Variants in TIAM2 observed in about 807,000 individuals in gnomAD.
TIAM2 encodes the protein TIAM Rac1 associated GEF 2.
In TIAM2, 80 loss-of-function variants were observed where a neutral mutation model predicts 152.9. The observed-to-expected ratio is 0.52, with a 90% CI of 0.44 to 0.63. TIAM2 has a LOEUF of 0.63. Among genes scored for constraint, TIAM2 ranks in the 30% least tolerant of loss-of-function variants. TIAM2 has a pLI of 0.00. For missense variants in TIAM2, 1,965 were observed against 2,120.1 expected (o/e 0.93, Z 1.44); for synonymous variants, 804 against 838.0 (o/e 0.96, Z 0.70).
In TIAM2 at chr6:155,119,349, CT is replaced by C. The variant is rs139981494; in HGVS notation, c.-117-8131del. The stretch of plus-strand genomic sequence containing the variant: ...TGCACCTGGCCCTGACTCTTCTTTT[CT>C]TTTTTTTTTGAGTGAGAATCTCTTC... On this transcript the variant is annotated intron_variant, in intron 2 of 26. Coordinates refer to ENST00000682666, the MANE Select transcript of TIAM2 (RefSeq NM_012454.4). 1.0e-4 allele frequency among the ~76,000 whole-genome samples: 15 copies of C among 144,722 alleles called. No homozygotes were observed. In the South Asian group the frequency reaches 2.2e-3, roughly 21 times the overall value. The allele number at this position is 144,722 out of a possible 152,430, so 94.9% of individuals were successfully genotyped here.
At chr6:155,196,130 G>A (rs929735893) in intron 14 of TIAM2, among the ~76,000 whole-genome samples, 1 of 152,324 alleles carries the variant, frequency 6.6e-6, no homozygotes. Flanking sequence ...AGAGGTGAGG[G>A]GGTGGAGTCT....
At position 155,218,251 on chromosome 6, in the gene TIAM2, A is replaced by G. The variant is rs899870555; in HGVS notation, c.3168+6944A>G. Reference sequence around the variant, plus strand: ...ATTTCTAAATGCAAGTTATGTGACTAAATTCCTATTTTAATGCACGGAGAG... The same window carrying G: ...ATTTCTAAATGCAAGTTATGTGACTGAATTCCTATTTTAATGCACGGAGAG... On this transcript the variant is annotated intron_variant, in intron 15 of 26. Coordinates refer to ENST00000682666, the MANE Select transcript of TIAM2 (RefSeq NM_012454.4). This position sits in a 1 kb window ranked among gnomAD's most constrained non-coding sequence, Gnocchi z 4.5. 3.3e-5 allele frequency among the ~76,000 whole-genome samples: 5 copies of G among 152,212 alleles called. No individual in the cohort carries two copies. The highest frequency in any genetic ancestry group is 2.0e-4 in the Admixed American group (3 of 15,284).
intron 12 of TIAM2, 120 bp from the exon 13 acceptor site, chr6:155,182,106 C>A: frequency 1.3e-6 from 1 of 757,406 alleles, no homozygotes; most frequent in South Asian, 1.8e-5. Flanking sequence ...GCTGTAATTT[C>A]GACTTTCTCA....
intron 1 of TIAM2, among the ~76,000 whole-genome samples, chr6:155,062,821 C>T (rs535504357): frequency 1.3e-5 from 2 of 152,098 alleles, no homozygotes; most frequent in Admixed American, 6.6e-5. Context: ...GTGATCCACC[C>T]GCCTCAGCCT....
rs1784056107 is a variant in TIAM2 at position 155,256,673 on chromosome 6, G to A, written c.4658G>A (p.Gly1553Asp). Residue 1553 changes from glycine (G) to aspartate (D), a missense_variant, in exon 27 of 27, where the codon GGC becomes GAC. Physicochemically the swap from Gly to Asp is moderately conservative, Grantham distance 94. Transcript: ENST00000682666. ...STSPGKYPHP[G>D]LADFADNLIK... is the part of the protein sequence containing the mutation. ...TCTCCCGGGAAATACCCACACCCCG[G>A]CTTGGCAGATTTTGCCGACAATCTC... 6.2e-7 allele frequency: 1 copy of A among 1,614,066 alleles called. No homozygotes were observed.
rs1002793601 is a variant in TIAM2 at position 155,156,666 on chromosome 6, A to G, written c.2029-7749A>G. On this transcript the variant is annotated intron_variant, in intron 7 of 26. Coordinates refer to ENST00000682666, the MANE Select transcript of TIAM2 (RefSeq NM_012454.4). The surrounding 1 kb of genome is among the most constrained non-coding windows in gnomAD (Gnocchi z 4.4). ...GAGTGATATGTCTCAAAATAAATAA[A>G]TAAATAAATAAAGTAAAAAAATAAA... 1.3e-5 allele frequency among the ~76,000 whole-genome samples: 2 copies of G among 152,156 alleles called. No homozygotes were observed. Among genetic ancestry groups the G allele is most frequent in the African/African-American group, 4.8e-5 (2 of 41,440 alleles).
chr6:155,093,598 C>T (rs138492981), intron 2 of TIAM2, among the ~76,000 whole-genome samples: 316 of 152,272 alleles, frequency 2.1e-3, no homozygotes, highest in African/African-American at 7.2e-3. Context: ...TTGGGTTTCA[C>T]GTGAGGAAGA....
chr6:155,129,795 G>A lies in TIAM2; in HGVS notation c.572G>A (p.Cys191Tyr), dbSNP rs776233418. 6.2e-7 allele frequency: 1 copy of A among 1,613,696 alleles called. No homozygotes were observed. The highest frequency in any genetic ancestry group is 1.7e-5 in the Admixed American group (1 of 60,030). The change falls in exon 4 of 27, where the codon TGC becomes TAC. Residue 191 changes from cysteine to tyrosine, a missense_variant. Transcript: ENST00000682666. This position sits in a 1 kb window ranked among gnomAD's most constrained non-coding sequence, Gnocchi z 4.8. ...GNPSKVPAED[C>Y]SEPVQLLRYS... ...CCCAGCAAAGTGCCTGCAGAGGACTGCAGTGAGCCGGTGCAGCTGCTGAGG... is the reference window on the plus strand; with the variant it reads ...CCCAGCAAAGTGCCTGCAGAGGACTACAGTGAGCCGGTGCAGCTGCTGAGG...
chr6:155,112,386 A>C (rs571685114), intron 2 of TIAM2, among the ~76,000 whole-genome samples: 1 of 151,790 alleles, frequency 6.6e-6, no homozygotes, highest in Non-Finnish European at 1.5e-5. Flanking sequence ...CAGCCTCCCA[A>C]AGTGCTGGGA....
chr6:155,001,578 G>A (rs1267127130), intron 1 of TIAM2, among the ~76,000 whole-genome samples: 1 of 152,240 alleles, frequency 6.6e-6, no homozygotes, highest in Non-Finnish European at 1.5e-5. Flanking sequence ...TCTCCTGGAT[G>A]TTACATGGCC....
intron 1 of TIAM2, among the ~76,000 whole-genome samples, chr6:155,062,475 C>T (rs62434513): frequency 0.034 from 5,134 of 151,392 alleles, 132 homozygotes; most frequent in Non-Finnish European, 0.049. Context: ...ATATCCTCAC[C>T]AGCTTTTGGA....
intron 1 of TIAM2, among the ~76,000 whole-genome samples, chr6:155,070,314 G>A (rs11961491): frequency 0.036 from 4,890 of 136,868 alleles, 308 homozygotes; most frequent in African/African-American, 0.13. Context: ...TCTGCCTCCC[G>A]GGTTCAAACG....
At chr6:155,115,687 C>T (rs62427108) in intron 2 of TIAM2, among the ~76,000 whole-genome samples, 5,130 of 152,188 alleles carry the variant, frequency 0.034, 122 homozygotes, top group Middle Eastern at 0.065. Flanking sequence ...AAAAAATGAT[C>T]GAAAATATCC....
At position 155,137,628 on chromosome 6, in the gene TIAM2, C is replaced by T. The variant is rs752348084; in HGVS notation, c.1630+16C>T. 2.6e-6 allele frequency: 4 copies of T among 1,541,632 alleles called. No individual in the cohort carries two copies. Among genetic ancestry groups the T allele is most frequent in the Middle Eastern group, 1.7e-4 (1 of 5,778 alleles). ...ACGCTGAAAGGTGAGTGCAGTGTCACCTGCTGAGGCCACTGGGGATTGTTT... is the reference window on the plus strand; with the variant it reads ...ACGCTGAAAGGTGAGTGCAGTGTCATCTGCTGAGGCCACTGGGGATTGTTT... On this transcript the variant is annotated intron_variant, in intron 5 of 26. Coordinates refer to ENST00000682666, the MANE Select transcript of TIAM2 (RefSeq NM_012454.4).
At chr6:155,049,587 G>T (rs188120990) in intron 1 of TIAM2, among the ~76,000 whole-genome samples, 2 of 152,030 alleles carry the variant, frequency 1.3e-5, no homozygotes, top group African/African-American at 4.8e-5. Flanking sequence ...CATTAACAGC[G>T]GCTAACCTTA....
chr6:155,251,070 C>T (rs368176093), intron 22 of TIAM2, 49 bp downstream of exon 22: 205 of 1,534,404 alleles, frequency 1.3e-4, no homozygotes, highest in Non-Finnish European at 1.7e-4. Context: ...GCTGGGATTA[C>T]GGAAGAACTT....
At chr6:155,045,546 G>T (rs1777156192) in intron 1 of TIAM2, among the ~76,000 whole-genome samples, 1 of 152,020 alleles carries the variant, frequency 6.6e-6, no homozygotes. Context: ...AAAGAAATGG[G>T]TTTTCCTCAA....
At chr6:155,224,569 A>G (rs1782174552) in intron 15 of TIAM2, among the ~76,000 whole-genome samples, 1 of 152,208 alleles carries the variant, frequency 6.6e-6, no homozygotes, top group Admixed American at 6.5e-5. Context: ...TGTCATTAGT[A>G]TGGAAGGAAG....
At chr6:155,020,947 T>C (rs1057473439) in intron 1 of TIAM2, among the ~76,000 whole-genome samples, 10 of 152,196 alleles carry the variant, frequency 6.6e-5, no homozygotes, top group African/African-American at 2.2e-4. Context: ...ATTTGACTGT[T>C]CTAGGCACCT....
Sources: gnomAD v4.1 joint callset for allele counts (sites outside exome capture counted in the v4.1 genomes callset) on GRCh38, gnomAD v4.1.1 for gene constraint, Gnocchi (gnomAD v3.1) non-coding constraint, MANE v1.5 for transcripts, NCBI Gene and HGNC (gene_info 2026-07-23, HGNC 2026-07-21) for gene names.